PCDH11Y: variants seen among roughly 807,000 people sequenced by gnomAD.
PCDH11Y encodes protocadherin 11 Y-linked, also known as protocadherin-11 Y-linked.
For missense variants in PCDH11Y, 12 were observed against 224.8 expected, an observed-to-expected ratio of 0.05 and a Z score of 6.05; for synonymous variants, 9 against 83.6, an observed-to-expected ratio of 0.11 and a Z score of 4.87.
chrY:5,331,349 G>C, intron 2 of PCDH11Y, among the ~76,000 whole-genome samples: 1 of 33,303 alleles, frequency 3.0e-5, no homozygotes, highest in African/African-American at 1.2e-4. Context: ...TCTTGGCCAA[G>C]GGCATTCCAC....
At chrY:5,433,731 C>T (rs1602924725) in intron 2 of PCDH11Y, among the ~76,000 whole-genome samples, 8 of 31,953 alleles carry the variant, frequency 2.5e-4, no homozygotes, top group Admixed American at 1.2e-3. Flanking sequence ...AAGTGATCCT[C>T]CGCTTTGGTC....
chrY:5,181,244 C>T, intron 2 of PCDH11Y, among the ~76,000 whole-genome samples: 1 of 29,550 alleles, frequency 3.4e-5, no homozygotes, highest in Non-Finnish European at 8.1e-5. Flanking sequence ...GAATATTAGC[C>T]CCCAATCTCT....
At chrY:5,389,512 G>T (rs2124675778) in intron 2 of PCDH11Y, among the ~76,000 whole-genome samples, 2 of 29,016 alleles carry the variant, frequency 6.9e-5, no homozygotes, top group Admixed American at 6.8e-4. Flanking sequence ...TTGTAATTCT[G>T]ATGCAAGAAT....
At chrY:5,517,894 CTGTT>C (rs2053374307) in intron 3 of PCDH11Y, among the ~76,000 whole-genome samples, 1 of 33,083 alleles carries the variant, frequency 3.0e-5, no homozygotes, top group African/African-American at 1.2e-4. Context: ...GAATATCCTA[CTGTT>C]TGTTATTTAT....
intron 3 of PCDH11Y, among the ~76,000 whole-genome samples, chrY:5,506,191 G>A: frequency 3.4e-5 from 1 of 29,227 alleles, no homozygotes; most frequent in Admixed American, 3.3e-4. Context: ...AAAATTCAAG[G>A]AGAAAATATG....
chrY:5,689,356 A>C, intron 4 of PCDH11Y, among the ~76,000 whole-genome samples: 2 of 32,655 alleles, frequency 6.1e-5, no homozygotes, highest in African/African-American at 2.4e-4. Context: ...TTACATTCAT[A>C]TACTCTGTTG....
At chrY:5,498,131 C>T in intron 2 of PCDH11Y, among the ~76,000 whole-genome samples, 9 of 33,163 alleles carry the variant, frequency 2.7e-4, no homozygotes, top group Admixed American at 5.6e-4. Flanking sequence ...TTGTAGCCTC[C>T]AGCTGCATGA....
intron 4 of PCDH11Y, among the ~76,000 whole-genome samples, chrY:5,669,450 A>C (rs2124708103): frequency 3.1e-5 from 1 of 31,913 alleles, no homozygotes; most frequent in East Asian, 8.1e-4. Context: ...TATTTCACTT[A>C]GTATAATATG....
At chrY:5,117,921 T>C (rs2052813314) in intron 2 of PCDH11Y, among the ~76,000 whole-genome samples, 1 of 31,161 alleles carries the variant, frequency 3.2e-5, no homozygotes, top group South Asian at 6.8e-4. Context: ...TCCGTATATT[T>C]ACATATTACA....
chrY:5,666,181 G>T (rs2053544594), intron 4 of PCDH11Y, among the ~76,000 whole-genome samples: 1 of 32,897 alleles, frequency 3.0e-5, no homozygotes, highest in Admixed American at 2.8e-4. Flanking sequence ...TTTGCAACGC[G>T]CCTTAGCACA....
intron 2 of PCDH11Y, among the ~76,000 whole-genome samples, chrY:5,454,048 C>T (rs2053295528): frequency 9.4e-4 from 31 of 33,043 alleles, no homozygotes; most frequent in Admixed American, 8.5e-3. Flanking sequence ...GTCCAAAATC[C>T]CAATTCTCAT....
chrY:5,424,400 C>G, intron 2 of PCDH11Y, among the ~76,000 whole-genome samples: 1 of 32,832 alleles, frequency 3.0e-5, no homozygotes, highest in Admixed American at 2.8e-4. Flanking sequence ...TTTGTTATGC[C>G]TTTGTTTCCT....
At chrY:5,024,749 G>C (rs2124620410) in intron 1 of PCDH11Y, among the ~76,000 whole-genome samples, 25 of 32,156 alleles carry the variant, frequency 7.8e-4, no homozygotes, top group African/African-American at 3.0e-3. Context: ...TGCAAAATTT[G>C]ATTCCTGAGA....
intron 4 of PCDH11Y, among the ~76,000 whole-genome samples, chrY:5,642,770 C>G (rs2124705211): frequency 3.0e-5 from 1 of 33,369 alleles, no homozygotes; most frequent in South Asian, 6.7e-4. Context: ...CACCAAAATT[C>G]CCTCCTAGAC....
chrY:5,661,196 T>C, intron 4 of PCDH11Y, among the ~76,000 whole-genome samples: 1 of 33,118 alleles, frequency 3.0e-5, no homozygotes, highest in Non-Finnish European at 7.4e-5. Context: ...CTATATATAA[T>C]ACTACACTTA....
intron 4 of PCDH11Y, among the ~76,000 whole-genome samples, chrY:5,603,577 T>C: frequency 6.3e-5 from 2 of 31,775 alleles, no homozygotes; most frequent in East Asian, 8.4e-4. Flanking sequence ...GGATGCAGGA[T>C]GAAGTTATGC....
intron 2 of PCDH11Y, among the ~76,000 whole-genome samples, chrY:5,310,909 T>C (rs2053098887): frequency 6.0e-5 from 2 of 33,149 alleles, no homozygotes; most frequent in Non-Finnish European, 1.5e-4. Context: ...AACCTGCATA[T>C]TAACATTAAA....
chrY:5,321,851 G>C (rs2558149), intron 2 of PCDH11Y, among the ~76,000 whole-genome samples: 2 of 29,923 alleles, frequency 6.7e-5, no homozygotes, highest in Non-Finnish European at 1.6e-4. Flanking sequence ...GTGGTCCTAG[G>C]TACTTGGGAG....
At chrY:5,676,867 T>G in intron 4 of PCDH11Y, among the ~76,000 whole-genome samples, 1 of 30,177 alleles carries the variant, frequency 3.3e-5, no homozygotes, top group Admixed American at 3.1e-4. Flanking sequence ...GTCCAAACTT[T>G]CCCATATTTT....
Sources: allele counts gnomAD v4.1 joint callset (sites outside exome capture counted in the v4.1 genomes callset), GRCh38; gene constraint gnomAD v4.1.1; transcripts MANE v1.5; gene names NCBI Gene and HGNC (gene_info 2026-07-23, HGNC 2026-07-21).